The following LDB2 variants were observed in gnomAD, a reference collection of about 807,000 sequenced individuals.
The protein encoded by LDB2 is LIM domain-binding protein 2.
A neutral mutation model predicts 44.3 loss-of-function variants in LDB2; 12 were observed. That is an observed-to-expected ratio of 0.27 (90% CI 0.17 to 0.44). The LOEUF (loss-of-function observed/expected upper bound fraction) is 0.44, where lower values mean the gene tolerates loss of function less well. Ranked by LOEUF, LDB2 falls within the 20% of genes least tolerant of loss-of-function variation. The pLI, the probability that LDB2 is intolerant of heterozygous loss-of-function variation, is 1.00. For synonymous variants in LDB2, 164 were observed against 174.8 expected (o/e 0.94, Z 0.49); for missense variants, 344 against 473.5 (o/e 0.73, Z 2.54).
chr4:16,874,806 A>AC (rs1717881994), intron 1 of LDB2, among the ~76,000 whole-genome samples: 1 of 152,178 alleles, frequency 6.6e-6, no homozygotes, highest in South Asian at 2.1e-4. Context: ...AAACCATTAG[A>AC]CCCTGAGTGT....
chr4:16,897,949 T>TACAC lies in LDB2; in HGVS notation c.132+404_132+405insGTGT, dbSNP rs1725766272. ...ATATATATATATATACACATATGTA[T>TACAC]ATATATATATATATATATATATATA... On this transcript the variant is annotated intron_variant, in intron 1 of 7. Transcript: ENST00000304523. Among the ~76,000 whole-genome samples, 11 of 32,428 alleles carry TACAC rather than the reference T, an allele frequency of 3.4e-4. 1 individual carries two copies. Among genetic ancestry groups the TACAC allele is most frequent in the Non-Finnish European group, 5.3e-4 (9 of 17,098 alleles). The allele number at this position is 32,428 out of a possible 152,430, so 21.3% of individuals were successfully genotyped here. A position where few individuals can be genotyped will look rare whatever the true frequency, so the allele number is the denominator to read the frequency against.
chr4:16,731,785 G>T (rs896957623), intron 2 of LDB2, among the ~76,000 whole-genome samples: 2 of 152,082 alleles, frequency 1.3e-5, no homozygotes, highest in Non-Finnish European at 2.9e-5. Flanking sequence ...CACATCCCTT[G>T]GTCTGGCCAA....
At chr4:16,821,247 G>A (rs1281285041) in intron 1 of LDB2, among the ~76,000 whole-genome samples, 1 of 152,160 alleles carries the variant, frequency 6.6e-6, no homozygotes, top group African/African-American at 2.4e-5. Flanking sequence ...AGGAAGCATT[G>A]ATCTAGCTAT....
chr4:16,856,388 A>T (rs1245163015), intron 1 of LDB2, among the ~76,000 whole-genome samples: 1 of 152,180 alleles, frequency 6.6e-6, no homozygotes, highest in Non-Finnish European at 1.5e-5. Context: ...GGATATTCTC[A>T]TACTCTGAAT....
chr4:16,584,949 T>C (rs76692000), intron 5 of LDB2, among the ~76,000 whole-genome samples: 16,870 of 152,228 alleles, frequency 0.11, 1,030 homozygotes, highest in African/African-American at 0.14. Flanking sequence ...CAGCTTCCTA[T>C]GTGGGGTCAG....
intron 5 of LDB2, among the ~76,000 whole-genome samples, chr4:16,525,469 C>A (rs1727865290): frequency 6.6e-6 from 1 of 152,208 alleles, no homozygotes; most frequent in Admixed American, 6.5e-5. Context: ...TCTCCCCTCC[C>A]AGGGATAGAA....
intron 1 of LDB2, among the ~76,000 whole-genome samples, chr4:16,805,067 A>G (rs1009716289): frequency 4.0e-5 from 6 of 151,622 alleles, no homozygotes; most frequent in Non-Finnish European, 5.9e-5. Context: ...AGAGAGAGAG[A>G]GGAAGAGAAA....
intron 5 of LDB2, among the ~76,000 whole-genome samples, chr4:16,552,678 C>T (rs1266849345): frequency 6.6e-6 from 1 of 152,198 alleles, no homozygotes; most frequent in South Asian, 2.1e-4. Context: ...AATATCAAAT[C>T]CAAGCAATAG....
chr4:16,581,701 C>T (rs1365535660), intron 5 of LDB2, among the ~76,000 whole-genome samples: 1 of 152,054 alleles, frequency 6.6e-6, no homozygotes, highest in African/African-American at 2.4e-5. Flanking sequence ...GAAGACTTTG[C>T]AGCCTCCTTC....
chr4:16,656,476 G>A (rs1176218033), intron 2 of LDB2, among the ~76,000 whole-genome samples: 2 of 152,198 alleles, frequency 1.3e-5, no homozygotes, highest in Admixed American at 1.3e-4. Context: ...ATGAACACTT[G>A]AAATGTGACT....
chr4:16,509,132 A>C (rs1016401542), intron 6 of LDB2, among the ~76,000 whole-genome samples: 1 of 152,192 alleles, frequency 6.6e-6, no homozygotes, highest in African/African-American at 2.4e-5. Context: ...TATGAACTTT[A>C]AATAGCCAAA....
chr4:16,503,370 C>G (rs1418755025), intron 7 of LDB2, among the ~76,000 whole-genome samples: 1 of 152,162 alleles, frequency 6.6e-6, no homozygotes, highest in East Asian at 1.9e-4. Context: ...GGTATTTTCT[C>G]TGTCCCAGGG....
At chr4:16,651,753 T>C (rs2152525395) in intron 2 of LDB2, among the ~76,000 whole-genome samples, 1 of 152,274 alleles carries the variant, frequency 6.6e-6, no homozygotes, top group Non-Finnish European at 1.5e-5. Context: ...CCTGTCTTCT[T>C]TGTTGGAAAA....
At chr4:16,709,177 T>A (rs1234492077) in intron 2 of LDB2, among the ~76,000 whole-genome samples, 1 of 152,218 alleles carries the variant, frequency 6.6e-6, no homozygotes. Context: ...ATAAGTTAAA[T>A]TTTAAAAATG....
intron 1 of LDB2, among the ~76,000 whole-genome samples, chr4:16,881,962 C>G (rs1720258961): frequency 6.6e-6 from 1 of 152,168 alleles, no homozygotes; most frequent in African/African-American, 2.4e-5. Flanking sequence ...TTAACAGTGC[C>G]TTCAATTAAA....
At chr4:16,884,555 T>C (rs1580476311) in intron 1 of LDB2, among the ~76,000 whole-genome samples, 1 of 152,162 alleles carries the variant, frequency 6.6e-6, no homozygotes, top group African/African-American at 2.4e-5. Context: ...TGCATTTGCG[T>C]TCTTGCTACC....
intron 1 of LDB2, among the ~76,000 whole-genome samples, chr4:16,806,228 C>A (rs1314950367): frequency 6.6e-6 from 1 of 152,236 alleles, no homozygotes; most frequent in African/African-American, 2.4e-5. Flanking sequence ...ATTCTACCTT[C>A]TTTGACTCCG....
chr4:16,540,861 T>G (rs780660540), intron 5 of LDB2, among the ~76,000 whole-genome samples: 6 of 152,182 alleles, frequency 3.9e-5, no homozygotes, highest in Non-Finnish European at 8.8e-5. Context: ...TTTTTTATCT[T>G]TATCCCAAAT....
At chr4:16,632,387 C>T (rs1009411453) in intron 2 of LDB2, among the ~76,000 whole-genome samples, 7 of 152,200 alleles carry the variant, frequency 4.6e-5, no homozygotes, top group African/African-American at 1.7e-4. Flanking sequence ...AACAGCCTTT[C>T]ATGCTAAAAA....
Sources: gnomAD v4.1 joint callset for allele counts (sites outside exome capture counted in the v4.1 genomes callset) on GRCh38, gnomAD v4.1.1 for gene constraint, MANE v1.5 for transcripts, NCBI Gene and HGNC (gene_info 2026-07-23, HGNC 2026-07-21) for gene names.